The following CACNA1I variants were observed in gnomAD, a reference collection of about 807,000 sequenced individuals.
CACNA1I encodes the protein calcium voltage-gated channel subunit alpha1 I, also known as voltage-dependent T-type calcium channel subunit alpha-1I.
A neutral mutation model predicts 201.6 loss-of-function variants in CACNA1I; 74 were observed. The ratio of observed to expected loss-of-function variants is 0.37; its 90% CI spans 0.30 to 0.45. The LOEUF (loss-of-function observed/expected upper bound fraction) is 0.45. Among genes scored for constraint, CACNA1I ranks in the 20% least tolerant of loss-of-function variants. The pLI is 1.00. For synonymous variants in CACNA1I, 1,431 were observed against 1,345.2 expected, an observed-to-expected ratio of 1.06 and a Z score of -1.40; for missense variants, 2,346 against 3,138.1, an observed-to-expected ratio of 0.75 and a Z score of 6.03.
intron 14 of CACNA1I, among the ~76,000 whole-genome samples, 194 bp downstream of exon 14, chr22:39,660,046 C>T (rs1423920684): frequency 6.6e-6 from 1 of 152,120 alleles, no homozygotes; most frequent in Non-Finnish European, 1.5e-5. Flanking sequence ...CGTCTGCCAT[C>T]CCTGCTCCCC....
intron 26 of CACNA1I, among the ~76,000 whole-genome samples, chr22:39,671,679 G>A (rs1294500717): frequency 6.6e-6 from 1 of 151,966 alleles, no homozygotes; most frequent in Non-Finnish European, 1.5e-5. Context: ...TGATGGGAGA[G>A]GAATATTATG....
In CACNA1I at chr22:39,686,258, C is replaced by G; in HGVS notation, c.6525C>G (p.Ala2175=). 7.8e-7 allele frequency: 1 copy of G among 1,288,346 alleles called. No individual in the cohort carries two copies. Among genetic ancestry groups the G allele is most frequent in the Non-Finnish European group, 9.8e-7 (1 of 1,017,018 alleles). 79.8% of individuals were successfully genotyped at this position (1,288,346 alleles called of 1,614,324 possible). A position where few individuals can be genotyped will look rare whatever the true frequency, so the allele number is the denominator to read the frequency against. ...PHAAALAHGL[A]RSPSWAADRS... is the part of the protein sequence containing the mutation. ...CCGCCGCCCTGGCCCACGGCCTGGC[C>G]CGGAGCCCCTCGTGGGCCGCGGACC... The change falls in exon 37 of 37, where the codon GCC becomes GCG. Residue 2175 remains alanine (A), a synonymous_variant. Coordinates refer to ENST00000402142, the MANE Select transcript of CACNA1I (RefSeq NM_021096.4).
chr22:39,667,742 G>A (rs1935242678), intron 23 of CACNA1I, among the ~76,000 whole-genome samples: 1 of 152,122 alleles, frequency 6.6e-6, no homozygotes, highest in South Asian at 2.1e-4. Flanking sequence ...TTTTACAGAT[G>A]AGGAAATGGG....
At chr22:39,681,383 T>A (rs1405230416) in intron 34 of CACNA1I, among the ~76,000 whole-genome samples, 2 of 151,354 alleles carry the variant, frequency 1.3e-5, no homozygotes, top group African/African-American at 4.9e-5. Flanking sequence ...AACGGGGGAG[T>A]CATGTCAGGC....
At chr22:39,604,437 G>A (rs5757746) in intron 3 of CACNA1I, among the ~76,000 whole-genome samples, 28,497 of 151,956 alleles carry the variant, frequency 0.19, 3,193 homozygotes, top group South Asian at 0.28. Flanking sequence ...CGATGTGTGC[G>A]GTCACACAGG....
intron 29 of CACNA1I, 73 bp downstream of exon 29, chr22:39,674,106 C>T (rs1935450903): frequency 7.2e-7 from 1 of 1,396,968 alleles, no homozygotes; most frequent in Admixed American, 1.7e-5. Flanking sequence ...CATGAAGGCC[C>T]TGATTTCCCT....
At position 39,672,196 on chromosome 22, in the gene CACNA1I, T is replaced by C. The variant is rs773887665; in HGVS notation, c.4540-3T>C. 1.3e-6 allele frequency: 2 copies of C among 1,596,490 alleles called. No homozygotes were observed. The highest frequency in any genetic ancestry group is 1.7e-6 in the Non-Finnish European group (2 of 1,164,080). ...GATCATGCTTCTCTTTGTTCCTCCA[T>C]AGTCCCTGGAGACAGCCCTCAAGTA... On this transcript the variant is annotated splice_polypyrimidine_tract_variant and splice_region_variant and intron_variant, in intron 26 of 36. Transcript: ENST00000402142.
chr22:39,611,424 A>G (rs1206719873), intron 3 of CACNA1I, among the ~76,000 whole-genome samples: 1 of 152,102 alleles, frequency 6.6e-6, no homozygotes, highest in African/African-American at 2.4e-5. Context: ...AGGCTGAAAT[A>G]TAAGCCGTTG....
In CACNA1I at chr22:39,684,214, A is replaced by G. The variant is rs1935786321; in HGVS notation, c.5831-88A>G. 5 of 1,122,336 alleles carry G rather than the reference A, an allele frequency of 4.5e-6. No individual in the cohort carries two copies. In the Admixed American group the frequency reaches 9.9e-5, roughly 22 times the overall value. 69.5% of individuals were successfully genotyped at this position (1,122,336 alleles called of 1,614,324 possible). ...TTAGGTGGCCCCTCACTGCTGGCCCAGTGAGATTGGTGCTCAATGCCACCT... is the reference window on the plus strand; with the variant it reads ...TTAGGTGGCCCCTCACTGCTGGCCCGGTGAGATTGGTGCTCAATGCCACCT... On this transcript the variant is annotated intron_variant, in intron 35 of 36. Transcript: ENST00000402142. This position sits in a 1 kb window ranked among gnomAD's most constrained non-coding sequence, Gnocchi z 4.6.
Position 39,665,472 on chromosome 22 carries a change from T to C in CACNA1I, c.3852-26T>C, listed in dbSNP as rs1204133519. The C allele has an allele frequency of 1.9e-6, 3 of 1,612,724 alleles. No homozygotes were observed. Among genetic ancestry groups the C allele is most frequent in the Middle Eastern group, 1.7e-4 (1 of 6,056 alleles). On this transcript the variant is annotated intron_variant, in intron 21 of 36. Coordinates refer to ENST00000402142, the MANE Select transcript of CACNA1I (RefSeq NM_021096.4). This position sits in a 1 kb window ranked among gnomAD's most constrained non-coding sequence, Gnocchi z 5.5. ...CTCCTGGCCTGGCCAAGGGATTATG[T>C]GTGCCTGGCCTCTCCCTGCCGTCAG...
At position 39,659,981 on chromosome 22, in the gene CACNA1I, G is replaced by A. The variant is rs1207608518; in HGVS notation, c.2604+129G>A. ...CAGGCAACCTATCCCTAAAGGAGGG[G>A]GTTGCTGATGAGGTGGTGAGCTCTT... On this transcript the variant is annotated intron_variant, in intron 14 of 36. Coordinates refer to ENST00000402142, the MANE Select transcript of CACNA1I (RefSeq NM_021096.4). This position sits in a 1 kb window ranked among gnomAD's most constrained non-coding sequence, Gnocchi z 4.3. 5 of 1,007,600 alleles carry A rather than the reference G, an allele frequency of 5.0e-6. No homozygotes were observed. Among genetic ancestry groups the A allele is most frequent in the East Asian group, 2.6e-5 (1 of 39,162 alleles). The allele number at this position is 1,007,600 out of a possible 1,614,324, so 62.4% of individuals were successfully genotyped here.
rs754410480 is a variant in CACNA1I at position 39,619,304 on chromosome 22, C to T, written c.483-6C>T. ...CCATCCCTCACTCTCTCTCCTTTCT[C>T]TGCAGGATGGTCGAGTACTCCCTGG... On this transcript the variant is annotated splice_region_variant and splice_polypyrimidine_tract_variant and intron_variant, in intron 3 of 36. Transcript: ENST00000402142. 1.5e-5 allele frequency: 24 copies of T among 1,605,344 alleles called. No homozygotes were observed. The highest frequency in any genetic ancestry group is 3.3e-4 in the Middle Eastern group (2 of 6,076).
rs1160039474 is a variant in CACNA1I, at chr22:39,677,862, GCA to G, written c.4934-122_4934-121del. ...GAGCCTCAGTTTATCTGTGGGCTGG[GCA>G]CAGTCTGCAGGCCCCTCCTAGGGTG... On this transcript the variant is annotated intron_variant, in intron 30 of 36. Transcript: ENST00000402142. This position sits in a 1 kb window ranked among gnomAD's most constrained non-coding sequence, Gnocchi z 4.8. 3.6e-6 allele frequency: 4 copies of G among 1,110,584 alleles called. No individual in the cohort carries two copies. Among genetic ancestry groups the G allele is most frequent in the South Asian group, 3.2e-5 (2 of 62,570 alleles). 68.8% of individuals were successfully genotyped at this position (1,110,584 alleles called of 1,614,324 possible).
intron 6 of CACNA1I, among the ~76,000 whole-genome samples, chr22:39,642,504 C>T (rs1461357345): frequency 2.0e-5 from 3 of 152,170 alleles, no homozygotes; most frequent in African/African-American, 7.2e-5. Flanking sequence ...GGGGCAGGCT[C>T]CCTGCTTTTC....
At position 39,677,512 on chromosome 22, in the gene CACNA1I, G is replaced by T; in HGVS notation, c.4933+93G>T. ...GGGGAGGCCTGAGACCCCTGAGCCC[G>T]TCACATCAGGGTCTTTGTATTGGGG... On this transcript the variant is annotated intron_variant, in intron 30 of 36. Coordinates refer to ENST00000402142, the MANE Select transcript of CACNA1I (RefSeq NM_021096.4). This position sits in a 1 kb window ranked among gnomAD's most constrained non-coding sequence, Gnocchi z 4.8. The T allele has an allele frequency of 2.4e-6, 2 of 849,524 alleles. No individual in the cohort carries two copies. The highest frequency in any genetic ancestry group is 3.6e-6 in the Non-Finnish European group (2 of 559,970). 52.6% of individuals were successfully genotyped at this position (849,524 alleles called of 1,614,324 possible). A position where few individuals can be genotyped will look rare whatever the true frequency, so the allele number is the denominator to read the frequency against.
At chr22:39,655,467 G>A (rs1005781935) in intron 10 of CACNA1I, among the ~76,000 whole-genome samples, 3 of 152,252 alleles carry the variant, frequency 2.0e-5, no homozygotes, top group South Asian at 4.1e-4. Context: ...CACCTCCAGC[G>A]AGCTTTCTGC....
intron 2 of CACNA1I, among the ~76,000 whole-genome samples, 188 bp from the exon 3 acceptor site, chr22:39,600,332 C>G (rs974018074): frequency 2.0e-5 from 3 of 152,168 alleles, no homozygotes; most frequent in African/African-American, 7.2e-5. Context: ...CCACAGTCTC[C>G]TCATCTATGA....
chr22:39,595,589 C>G (rs1442020973), intron 1 of CACNA1I, among the ~76,000 whole-genome samples: 1 of 150,748 alleles, frequency 6.6e-6, no homozygotes, highest in African/African-American at 2.4e-5. Context: ...CTTGCCATTG[C>G]ACTCCAGCCT....
At chr22:39,596,757 C>T (rs1932903393) in intron 1 of CACNA1I, among the ~76,000 whole-genome samples, 1 of 151,936 alleles carries the variant, frequency 6.6e-6, no homozygotes, top group South Asian at 2.1e-4. Flanking sequence ...TGGGGAGGCT[C>T]CTGGTCATCC....
Sources: allele counts gnomAD v4.1 joint callset (sites outside exome capture counted in the v4.1 genomes callset), GRCh38; gene constraint gnomAD v4.1.1; non-coding constraint Gnocchi (gnomAD v3.1); transcripts MANE v1.5; gene names NCBI Gene and HGNC (gene_info 2026-07-23, HGNC 2026-07-21).